LDAH: variants seen among roughly 807,000 people sequenced by gnomAD.
LDAH encodes the protein lipid droplet-associated hydrolase.
LDAH carries 26 observed loss-of-function variants against 29.6 expected under a neutral mutation model. That is an observed-to-expected ratio of 0.88 (90% CI 0.64 to 1.22). LDAH has a LOEUF of 1.22. LDAH is among the 50% of genes most tolerant of loss of function. The pLI, the probability that LDAH is intolerant of heterozygous loss-of-function variation, is 0.00. For synonymous variants in LDAH, 117 were observed against 133.0 expected (o/e 0.88, Z 0.83); for missense variants, 344 against 387.3 (o/e 0.89, Z 0.94).
At chr2:20,798,879 C>T (rs1671483290) in intron 2 of LDAH, among the ~76,000 whole-genome samples, 1 of 151,996 alleles carries the variant, frequency 6.6e-6, no homozygotes. Flanking sequence ...GAGACTCCAT[C>T]TCAAAACAAA....
At chr2:20,710,607 T>TGTGTGTAC (rs58361667) in intron 5 of LDAH, among the ~76,000 whole-genome samples, 1 of 123,026 alleles carries the variant, frequency 8.1e-6, no homozygotes, top group African/African-American at 2.9e-5. Flanking sequence ...TGTGTGTGTG[T>TGTGTGTAC]ATATATATAT....
Position 20,685,601 on chromosome 2 carries a change from T to G in LDAH, c.*1302A>C, listed in dbSNP as rs1662502631. 2 of 1,550,386 alleles carry G rather than the reference T, an allele frequency of 1.3e-6. No homozygotes were observed. The highest frequency in any genetic ancestry group is 1.7e-6 in the Non-Finnish European group (2 of 1,146,986). On this transcript the variant is annotated 3_prime_UTR_variant, in exon 7 of 7. Coordinates refer to ENST00000237822, the MANE Select transcript of LDAH (RefSeq NM_021925.4). ...TCTTTCATCAGGGGGCTTTAGGATT[T>G]GAGCGGAGGGACATCTCATTGTCCT... is the stretch of plus-strand genomic sequence containing the variant.
intron 6 of LDAH, among the ~76,000 whole-genome samples, chr2:20,689,093 G>A (rs1449715842): frequency 6.6e-6 from 1 of 151,862 alleles, no homozygotes; most frequent in African/African-American, 2.4e-5. Flanking sequence ...GCCATGTCTG[G>A]TTTTCTGTTC....
intron 5 of LDAH, among the ~76,000 whole-genome samples, chr2:20,728,071 T>TACA (rs201615019): frequency 3.3e-5 from 5 of 152,166 alleles, no homozygotes; most frequent in Admixed American, 6.5e-5. Context: ...TTTCAGAGCT[T>TACA]ACAACAACAA....
intron 1 of LDAH, among the ~76,000 whole-genome samples, chr2:20,803,031 G>A (rs1031258655): frequency 1.3e-5 from 2 of 152,152 alleles, no homozygotes; most frequent in African/African-American, 4.8e-5. Context: ...TTCACAACTA[G>A]AGACAATTTG....
chr2:20,685,138 C>A lies in LDAH; in HGVS notation c.*1765G>T. On this transcript the variant is annotated 3_prime_UTR_variant, in exon 7 of 7. Transcript: ENST00000237822. ...ATTAAGAATGAGTATCTTTCTTAGG[C>A]TCTAAAAACCAGAAATAAGACACAA... The A allele has an allele frequency of 1.8e-6, 1 of 565,178 alleles. No homozygotes were observed. The highest frequency in any genetic ancestry group is 2.9e-6 in the Non-Finnish European group (1 of 350,068). The allele number at this position is 565,178 out of a possible 1,614,324, so 35.0% of individuals were successfully genotyped here.
rs201615019 is a variant in LDAH at position 20,728,071 on chromosome 2, TACA to T, written c.703+11897_703+11899del. On this transcript the variant is annotated intron_variant, in intron 5 of 6. Transcript: ENST00000237822. ...TTGGTTCCTAGAATTTTTCAGAGCT[TACA>T]ACAACAACAACAAAAATGTGTGTAT... 6.5e-3 allele frequency among the ~76,000 whole-genome samples: 986 copies of T among 152,284 alleles called. 7 individuals are homozygous for T. Among genetic ancestry groups the T allele is most frequent in the Middle Eastern group, 0.01 (3 of 294 alleles).
chr2:20,693,999 A>T (rs1168666219), intron 6 of LDAH, among the ~76,000 whole-genome samples: 1 of 152,224 alleles, frequency 6.6e-6, no homozygotes, highest in East Asian at 1.9e-4. Flanking sequence ...TGCTTTCTCC[A>T]GGTTTTCTTT....
chr2:20,718,113 G>T (rs1443465549), intron 5 of LDAH, among the ~76,000 whole-genome samples: 2 of 151,894 alleles, frequency 1.3e-5, no homozygotes, highest in Non-Finnish European at 2.9e-5. Flanking sequence ...GGAAGACAGG[G>T]TTACAAAACA....
chr2:20,784,618 C>G (rs975408955), intron 3 of LDAH, among the ~76,000 whole-genome samples: 2 of 152,034 alleles, frequency 1.3e-5, no homozygotes, highest in Admixed American at 6.6e-5. Context: ...GGCACAGTGG[C>G]TCATGCCTGT....
chr2:20,800,925 C>A (rs1302275570), intron 2 of LDAH, among the ~76,000 whole-genome samples: 1 of 152,144 alleles, frequency 6.6e-6, no homozygotes, highest in South Asian at 2.1e-4. Context: ...AGCCATTGCA[C>A]CTGGCCAAAT....
At chr2:20,713,920 A>G (rs1395865985) in intron 5 of LDAH, among the ~76,000 whole-genome samples, 2 of 152,218 alleles carry the variant, frequency 1.3e-5, no homozygotes, top group African/African-American at 2.4e-5. Flanking sequence ...AGACTCCCAC[A>G]CAATAATAAT....
rs141496242 is a variant in LDAH at position 20,782,688 on chromosome 2, C to T, written c.298+7567G>A. 2.3e-4 allele frequency among the ~76,000 whole-genome samples: 35 copies of T among 152,214 alleles called. No homozygotes were observed. The East Asian group carries it at 6.4e-3, about 28-fold the overall frequency. On this transcript the variant is annotated intron_variant, in intron 3 of 6. Transcript: ENST00000237822. ...ATGAATCTTCTTTTCTTTCTGAATA[C>T]TTGTAATTTGCGTCTTCTCTTTCTC...
chr2:20,806,277 A>T (rs1006434441), intron 1 of LDAH, among the ~76,000 whole-genome samples: 3 of 152,188 alleles, frequency 2.0e-5, no homozygotes, highest in African/African-American at 7.2e-5. Flanking sequence ...AACTTCCTCA[A>T]ATGCCAAAAA....
chr2:20,695,844 G>T (rs1663425092), intron 6 of LDAH, among the ~76,000 whole-genome samples: 1 of 152,148 alleles, frequency 6.6e-6, no homozygotes, highest in Non-Finnish European at 1.5e-5. Flanking sequence ...CCATTTTATT[G>T]ATGAATAAAG....
At chr2:20,785,238 C>A (rs1369629545) in intron 3 of LDAH, among the ~76,000 whole-genome samples, 2 of 152,180 alleles carry the variant, frequency 1.3e-5, no homozygotes, top group Admixed American at 6.5e-5. Flanking sequence ...TAGGATGTTT[C>A]CAGCAACTAA....
intron 4 of LDAH, among the ~76,000 whole-genome samples, chr2:20,768,448 C>T (rs1669187660): frequency 6.6e-6 from 1 of 152,214 alleles, no homozygotes; most frequent in African/African-American, 2.4e-5. Context: ...CCCATGCTGG[C>T]ACCTGGAGCT....
intron 4 of LDAH, among the ~76,000 whole-genome samples, chr2:20,769,181 C>T (rs922308774): frequency 6.6e-6 from 1 of 152,170 alleles, no homozygotes; most frequent in African/African-American, 2.4e-5. Context: ...CCCCTAGCCA[C>T]CATATAAAAT....
At chr2:20,703,825 A>G (rs532365803) in intron 5 of LDAH, among the ~76,000 whole-genome samples, 2 of 152,326 alleles carry the variant, frequency 1.3e-5, no homozygotes, top group South Asian at 4.1e-4. Flanking sequence ...TCATTTGTTT[A>G]TTCATTCAAA....
Sources: gnomAD v4.1 joint callset for allele counts (sites outside exome capture counted in the v4.1 genomes callset) on GRCh38, gnomAD v4.1.1 for gene constraint, MANE v1.5 for transcripts, NCBI Gene and HGNC (gene_info 2026-07-23, HGNC 2026-07-21) for gene names.